RTN3: variants seen among roughly 807,000 people sequenced by gnomAD.
RTN3 encodes reticulon-3.
In RTN3, 49 loss-of-function variants were observed where a neutral mutation model predicts 77.8. The observed-to-expected ratio is 0.63, with a 90% CI of 0.50 to 0.80. The LOEUF is 0.80. Ranked by LOEUF, RTN3 falls within the 30% of genes least tolerant of loss-of-function variation. The pLI is 0.00. For missense variants in RTN3, 1,236 were observed against 1,211.9 expected (o/e 1.02, Z -0.29); for synonymous variants, 464 against 446.9 (o/e 1.04, Z -0.48).
rs1470791789 is a variant in RTN3 at position 63,716,991 on chromosome 11, A to AG, written c.200-1711_200-1710insG. Among the ~76,000 whole-genome samples the AG allele has an allele frequency of 2.7e-5, 4 of 150,588 alleles. No homozygotes were observed. The South Asian group carries it at 6.4e-4, about 24-fold the overall frequency. Reference sequence around the variant, plus strand: ...CTCAAAAAAAAAACAAAAAAAAAAAAAAAAGAAAAGAAAGTTTAAAAATTA... The same window carrying AG: ...CTCAAAAAAAAAACAAAAAAAAAAAAGAAAAGAAAAGAAAGTTTAAAAATTA... On this transcript the variant is annotated intron_variant, in intron 2 of 8. Transcript: ENST00000377819.
intron 3 of RTN3, among the ~76,000 whole-genome samples, chr11:63,724,727 G>C (rs549333765): frequency 6.6e-6 from 1 of 152,030 alleles, no homozygotes; most frequent in Non-Finnish European, 1.5e-5. Flanking sequence ...TCCTGACCTC[G>C]TGATCCGCCC....
chr11:63,747,765 A>C (rs1319702294), intron 3 of RTN3, among the ~76,000 whole-genome samples: 5 of 152,204 alleles, frequency 3.3e-5, no homozygotes, highest in Non-Finnish European at 5.9e-5. Flanking sequence ...TATTTGAATT[A>C]CTGCATGTCA....
chr11:63,752,493 T>C lies in RTN3; in HGVS notation c.2739-14T>C. On this transcript the variant is annotated splice_polypyrimidine_tract_variant and intron_variant, in intron 4 of 8. Coordinates refer to ENST00000377819, the MANE Select transcript of RTN3 (RefSeq NM_001265589.2). ...CCATGTCAAATGTATGACTGTTATTTCTTCTTCTGGAAGAGCCTACCTGGA... is the reference window on the plus strand; with the variant it reads ...CCATGTCAAATGTATGACTGTTATTCCTTCTTCTGGAAGAGCCTACCTGGA... 6.2e-7 allele frequency: 1 copy of C among 1,610,286 alleles called. No individual in the cohort carries two copies. The highest frequency in any genetic ancestry group is 1.3e-5 in the African/African-American group (1 of 74,948).
Position 63,719,570 on chromosome 11 carries a change from T to C in RTN3, c.1068T>C (p.Ser356=). ...PQVKQQTDKS[S]DCITKTTGLD... The stretch of plus-strand genomic sequence containing the variant: ...TGAAACAACAGACCGATAAATCTTC[T>C]GACTGCATCACAAAAACTACAGGAC... Residue 356 remains serine (S), a synonymous_variant, in exon 3 of 9, where the codon TCT becomes TCC. Coordinates refer to ENST00000377819, the MANE Select transcript of RTN3 (RefSeq NM_001265589.2). 1 of 1,614,158 alleles carries C rather than the reference T, an allele frequency of 6.2e-7. No individual in the cohort carries two copies. The highest frequency in any genetic ancestry group is 1.3e-5 in the African/African-American group (1 of 75,056).
intron 8 of RTN3, 150 bp from the exon 9 acceptor site, chr11:63,758,006 C>T (rs994174897): frequency 9.1e-5 from 56 of 612,794 alleles, no homozygotes; most frequent in African/African-American, 5.2e-4. Context: ...TGGGATTACA[C>T]GCGTGAGCCA....
chr11:63,735,239 C>T (rs2013009767), intron 3 of RTN3, among the ~76,000 whole-genome samples: 1 of 152,252 alleles, frequency 6.6e-6, no homozygotes, highest in East Asian at 1.9e-4. Flanking sequence ...ATCTGCCCAC[C>T]TCAGCCTCCC....
At chr11:63,683,430 T>C (rs1344509142) in intron 1 of RTN3, among the ~76,000 whole-genome samples, 1 of 152,246 alleles carries the variant, frequency 6.6e-6, no homozygotes, top group African/African-American at 2.4e-5. Flanking sequence ...GACCTAAGTT[T>C]TAGAAATTTG....
chr11:63,749,036 C>T (rs528015160), intron 3 of RTN3, among the ~76,000 whole-genome samples: 2 of 152,270 alleles, frequency 1.3e-5, no homozygotes, highest in South Asian at 4.2e-4. Context: ...AATCACAGCA[C>T]TGTGGGAGGC....
chr11:63,748,689 A>G (rs2013937905), intron 3 of RTN3, among the ~76,000 whole-genome samples: 1 of 116,712 alleles, frequency 8.6e-6, no homozygotes, highest in Non-Finnish European at 1.7e-5. Context: ...TTTTTTTTAG[A>G]CGGAGTTTCG....
intron 3 of RTN3, among the ~76,000 whole-genome samples, chr11:63,734,734 A>AACACACACACAAACACACACAC (rs2012949070): frequency 1.2e-5 from 1 of 81,226 alleles, no homozygotes; most frequent in Admixed American, 1.5e-4. Flanking sequence ...TCTGTCTCAA[A>AACACACACACAAACACACACAC]ACACACACAC....
Position 63,715,295 on chromosome 11 carries a change from A to G in RTN3, c.200-3407A>G, listed in dbSNP as rs78412986. Among the ~76,000 whole-genome samples the G allele has an allele frequency of 2.9e-3, 444 of 152,284 alleles. 2 individuals are homozygous for G. The highest frequency in any genetic ancestry group is 0.01 in the African/African-American group (434 of 41,558). On this transcript the variant is annotated intron_variant, in intron 2 of 8. Transcript: ENST00000377819. ...AATAAATACCTGTTGAATTATTACT[A>G]ATTCATTTTGTAGACTTTCATCTGT...
chr11:63,737,231 C>A (rs973412777), intron 3 of RTN3, among the ~76,000 whole-genome samples: 3 of 152,166 alleles, frequency 2.0e-5, no homozygotes, highest in Non-Finnish European at 4.4e-5. Flanking sequence ...AACCAAAAAA[C>A]TTTTCCAAGA....
intron 3 of RTN3, 65 bp downstream of exon 3, chr11:63,721,097 A>G: frequency 7.1e-7 from 1 of 1,415,398 alleles, no homozygotes; most frequent in Non-Finnish European, 9.6e-7. Context: ...TCAGCGTGCC[A>G]TTTATGTTAG....
At chr11:63,690,422 GAAAGGTAAATAA>G (rs1335851354) in intron 1 of RTN3, among the ~76,000 whole-genome samples, 1 of 152,142 alleles carries the variant, frequency 6.6e-6, no homozygotes, top group African/African-American at 2.4e-5. Flanking sequence ...GTGGAAGACA[GAAAGGTAAATAA>G]AATATAGATC....
intron 3 of RTN3, among the ~76,000 whole-genome samples, chr11:63,744,156 C>T (rs1307680855): frequency 7.3e-6 from 1 of 137,328 alleles, no homozygotes; most frequent in Admixed American, 7.9e-5. Context: ...GTGGGAGAAT[C>T]GCTTGAACCT....
At chr11:63,686,807 G>C (rs1941399391) in intron 1 of RTN3, among the ~76,000 whole-genome samples, 1 of 151,998 alleles carries the variant, frequency 6.6e-6, no homozygotes, top group African/African-American at 2.4e-5. Flanking sequence ...CTCCAGCCTG[G>C]GTGACTGAGC....
intron 3 of RTN3, among the ~76,000 whole-genome samples, chr11:63,721,374 A>G (rs1247992734): frequency 6.6e-6 from 1 of 152,104 alleles, no homozygotes; most frequent in Non-Finnish European, 1.5e-5. Flanking sequence ...GGAGATTGAG[A>G]CCATCCTGGC....
intron 6 of RTN3, 128 bp from the exon 7 acceptor site, chr11:63,753,534 A>G: frequency 1.2e-6 from 1 of 843,164 alleles, no homozygotes; most frequent in Non-Finnish European, 1.9e-6. Context: ...GCTAACCAGG[A>G]TTTCTCATTT....
At chr11:63,703,994 T>C (rs1457867257) in intron 1 of RTN3, among the ~76,000 whole-genome samples, 2 of 151,952 alleles carry the variant, frequency 1.3e-5, no homozygotes, top group Non-Finnish European at 2.9e-5. Flanking sequence ...TATAATTTTA[T>C]TTAATTAATT....
Sources: gnomAD v4.1 joint callset for allele counts (sites outside exome capture counted in the v4.1 genomes callset) on GRCh38, gnomAD v4.1.1 for gene constraint, MANE v1.5 for transcripts, NCBI Gene and HGNC (gene_info 2026-07-23, HGNC 2026-07-21) for gene names.